The following LRP1 variants were observed in gnomAD, a reference collection of about 807,000 sequenced individuals.
LRP1 encodes LDL receptor related protein 1.
In LRP1, 51 loss-of-function variants were observed where a neutral mutation model predicts 541.5. The observed-to-expected ratio is 0.09, with a 90% CI of 0.08 to 0.12. The LOEUF (loss-of-function observed/expected upper bound fraction) is 0.12. Among genes scored for constraint, LRP1 ranks in the 10% least tolerant of loss-of-function variants. The pLI is 1.00. For synonymous variants in LRP1, 2,219 were observed against 2,470.8 expected (o/e 0.90, Z 3.02); for missense variants, 3,878 against 6,376.2 (o/e 0.61, Z 13.34).
rs1473590278 is a variant in LRP1, at chr12:57,180,347, C to T, written c.5254C>T (p.Pro1752Ser). ...TTTTCCAGGCCTGGCTATTGACTTC[C>T]CTGAAAGCAAACTCTACTGGATCAG... is the stretch of plus-strand genomic sequence containing the variant. ...KGPVGLAIDF[P>S]ESKLYWISSG... The change falls in exon 32 of 89, where the codon CCT becomes TCT. Residue 1752 changes from proline (P) to serine (S), a missense_variant. Physicochemically the swap from Pro to Ser is moderately conservative, Grantham distance 74. This residue lies in a region of LRP1 where 394 missense variants were observed against 635.9 expected (regional missense o/e 0.62). Transcript: ENST00000243077. 2 of 1,613,974 alleles carry T rather than the reference C, an allele frequency of 1.2e-6. No homozygotes were observed. The highest frequency in any genetic ancestry group is 1.3e-5 in the African/African-American group (1 of 74,942).
intron 1 of LRP1, among the ~76,000 whole-genome samples, chr12:57,130,800 A>C (rs1349274059): frequency 1.3e-5 from 2 of 152,040 alleles, no homozygotes; most frequent in Non-Finnish European, 1.5e-5. Flanking sequence ...GAAGAGAGAG[A>C]CTGGACATGT....
intron 50 of LRP1, 106 bp downstream of exon 50, chr12:57,194,805 A>G: frequency 1.4e-6 from 2 of 1,394,130 alleles, no homozygotes; most frequent in South Asian, 1.4e-5. Flanking sequence ...AGAGCCTTCA[A>G]CCCCCTGCCC....
chr12:57,165,972 G>A lies in LRP1; in HGVS notation c.2671+27G>A, dbSNP rs374067952. The stretch of plus-strand genomic sequence containing the variant: ...TGAGTCACACGCCCTGCCCCACCCT[G>A]TTGGATGGCAGGCCTGCAGGGCAGC... On this transcript the variant is annotated intron_variant, in intron 16 of 88. Transcript: ENST00000243077. This position sits in a 1 kb window ranked among gnomAD's most constrained non-coding sequence, Gnocchi z 4.5. 35 of 1,613,126 alleles carry A rather than the reference G, an allele frequency of 2.2e-5. No homozygotes were observed. The highest frequency in any genetic ancestry group is 3.0e-5 in the Non-Finnish European group (35 of 1,179,268).
intron 5 of LRP1, 57 bp downstream of exon 5, chr12:57,145,157 T>A: frequency 6.2e-7 from 1 of 1,613,350 alleles, no homozygotes; most frequent in East Asian, 2.2e-5. Flanking sequence ...TGCTGTTCCC[T>A]GGTGGGTGGT....
Position 57,184,217 on chromosome 12 carries a change from G to T in LRP1, c.6059+3G>T. The T allele has an allele frequency of 6.2e-7, 1 of 1,613,706 alleles. No homozygotes were observed. The highest frequency in any genetic ancestry group is 8.5e-7 in the Non-Finnish European group (1 of 1,179,678). ...ATCACCGTCCACCCGGAGAAAGGGTGAGGAGCTGGAAAGACTGGCCTTGTC... is the reference window on the plus strand; with the variant it reads ...ATCACCGTCCACCCGGAGAAAGGGTTAGGAGCTGGAAAGACTGGCCTTGTC... On this transcript the variant is annotated splice_donor_region_variant and intron_variant, in intron 37 of 88. Transcript: ENST00000243077. This position sits in a 1 kb window ranked among gnomAD's most constrained non-coding sequence, Gnocchi z 7.8.
chr12:57,192,427 C>A (rs1453367063), intron 44 of LRP1, among the ~76,000 whole-genome samples: 1 of 152,166 alleles, frequency 6.6e-6, no homozygotes, highest in African/African-American at 2.4e-5. Context: ...TGGAGCCACA[C>A]AGACAGCCGA....
intron 20 of LRP1, among the ~76,000 whole-genome samples, chr12:57,172,461 G>T (rs904837445): frequency 3.0e-4 from 46 of 152,168 alleles, no homozygotes; most frequent in African/African-American, 2.4e-5. Context: ...GAGCCACCGC[G>T]CCTGGCCTGT....
Position 57,197,085 on chromosome 12 carries a change from C to T in LRP1, c.8996C>T (p.Thr2999Ile). The stretch of plus-strand genomic sequence containing the variant: ...CCCTGCAGCCAGCGCTGCATCAACA[C>T]TCATGGCAGCTATAAGTGTCTGTGT... ...TFPCSQRCINTHGSYKCLCVE... is the reference protein window; with the variant it reads ...TFPCSQRCINIHGSYKCLCVE... The change falls in exon 56 of 89, where the codon ACT (threonine) becomes ATT (isoleucine). Residue 2999 changes from threonine to isoleucine, a missense_variant. Thr to Ile is a moderately conservative substitution (Grantham distance 89). Coordinates refer to ENST00000243077, the MANE Select transcript of LRP1 (RefSeq NM_002332.3). The surrounding 1 kb of genome is among the most constrained non-coding windows in gnomAD (Gnocchi z 4.5). The T allele has an allele frequency of 3.7e-6, 6 of 1,614,120 alleles. No individual in the cohort carries two copies. Among genetic ancestry groups the T allele is most frequent in the Non-Finnish European group, 5.1e-6 (6 of 1,179,986 alleles).
At chr12:57,176,863 C>CAAA (rs375688316) in intron 24 of LRP1, among the ~76,000 whole-genome samples, 178 bp from the exon 25 acceptor site, 1 of 128,706 alleles carries the variant, frequency 7.8e-6, no homozygotes, top group Non-Finnish European at 1.7e-5. Context: ...GACCCTGTCT[C>CAAA]AAAAAAAAAA....
intron 1 of LRP1, 191 bp downstream of exon 1, chr12:57,129,222 G>T (rs531718683): frequency 3.8e-4 from 229 of 605,222 alleles, no homozygotes; most frequent in African/African-American, 3.6e-3. Context: ...CTGGGCAAAT[G>T]ATGCTTCCGG....
At chr12:57,192,788 G>A (rs1402358499) in intron 44 of LRP1, 57 bp from the exon 45 acceptor site, 1 of 1,605,502 alleles carries the variant, frequency 6.2e-7, no homozygotes, top group African/African-American at 1.3e-5. Flanking sequence ...GTGCACTCTG[G>A]GTGCATGCAC....
Position 57,166,367 on chromosome 12 carries a change from C to G in LRP1, c.2797+158C>G, listed in dbSNP as rs2035840212. On this transcript the variant is annotated intron_variant, in intron 17 of 88. Transcript: ENST00000243077. ...CCCAGGAGCTCAAGACCAGCCTGGCCAACATAGTGAGACCTCCCACTCTTT... is the reference window on the plus strand; with the variant it reads ...CCCAGGAGCTCAAGACCAGCCTGGCGAACATAGTGAGACCTCCCACTCTTT... 1.1e-5 allele frequency: 11 copies of G among 966,384 alleles called. No homozygotes were observed. In the South Asian group the frequency reaches 1.9e-4, roughly 17 times the overall value. The allele number at this position is 966,384 out of a possible 1,614,324, so 59.9% of individuals were successfully genotyped here. A position where few individuals can be genotyped will look rare whatever the true frequency, so the allele number is the denominator to read the frequency against.
intron 42 of LRP1, among the ~76,000 whole-genome samples, chr12:57,190,108 C>A (rs919884323): frequency 6.6e-6 from 1 of 152,156 alleles, no homozygotes; most frequent in African/African-American, 2.4e-5. Context: ...GGAGCCGTTA[C>A]GAGGCAGAAC....
intron 67 of LRP1, 96 bp downstream of exon 67, chr12:57,202,001 G>A (rs373066038): frequency 7.0e-5 from 107 of 1,530,596 alleles, no homozygotes; most frequent in African/African-American, 6.1e-4. Context: ...CCTGCTTACC[G>A]GTCTCAGCGT....
intron 46 of LRP1, 26 bp downstream of exon 46, chr12:57,193,330 C>G: frequency 2.5e-6 from 4 of 1,605,882 alleles, no homozygotes; most frequent in Non-Finnish European, 3.4e-6. Context: ...CAGCCCCTGC[C>G]TCTTCCAGGC....
At chr12:57,130,941 TGG>T (rs2035026152) in intron 1 of LRP1, among the ~76,000 whole-genome samples, 1 of 152,122 alleles carries the variant, frequency 6.6e-6, no homozygotes, top group African/African-American at 2.4e-5. Context: ...ATTTCTGCCT[TGG>T]GAGTGGGAAT....
intron 52 of LRP1, 121 bp downstream of exon 52, chr12:57,195,520 A>G (rs533609194): frequency 1.6e-5 from 25 of 1,568,636 alleles, no homozygotes; most frequent in African/African-American, 9.4e-5. Flanking sequence ...GGGCGGAGCC[A>G]TAGCTGTAGC....
intron 1 of LRP1, among the ~76,000 whole-genome samples, chr12:57,137,657 A>G (rs2035200220): frequency 6.6e-6 from 1 of 152,048 alleles, no homozygotes; most frequent in Non-Finnish European, 1.5e-5. Flanking sequence ...CTAGCTGGAC[A>G]TGGTGATGCA....
rs1592645169 is a variant in LRP1, at chr12:57,189,604, T to C, written c.7032-1201T>C. On this transcript the variant is annotated intron_variant, in intron 42 of 88. Transcript: ENST00000243077. This position sits in a 1 kb window ranked among gnomAD's most constrained non-coding sequence, Gnocchi z 4.4. ...TCAATGGTGCTGGAGACGCTGGGGG[T>C]GGGCAAGAAGGGTGTGACCTGGAGA... is the stretch of plus-strand genomic sequence containing the variant. Among the ~76,000 whole-genome samples the C allele has an allele frequency of 6.7e-6, 1 of 149,140 alleles. No homozygotes were observed. Among genetic ancestry groups the C allele is most frequent in the Non-Finnish European group, 1.5e-5 (1 of 67,414 alleles).
Sources: gnomAD v4.1 joint callset for allele counts (sites outside exome capture counted in the v4.1 genomes callset) on GRCh38, gnomAD v4.1.1 for gene constraint, gnomAD v4.1.1 regional missense constraint, Gnocchi (gnomAD v3.1) non-coding constraint, MANE v1.5 for transcripts, NCBI Gene and HGNC (gene_info 2026-07-23, HGNC 2026-07-21) for gene names.